Variants in ZNF407 observed in about 807,000 individuals in gnomAD.
ZNF407 encodes zinc finger protein 407.
Under a neutral mutation model 131.2 loss-of-function variants are expected in ZNF407, and 17 were observed. The observed-to-expected ratio is 0.13, with a 90% CI of 0.09 to 0.19. ZNF407 has a LOEUF of 0.19. Among genes scored for constraint, ZNF407 ranks in the 10% least tolerant of loss-of-function variants. The pLI is 1.00. For synonymous variants in ZNF407, 1,156 were observed against 1,062.0 expected (o/e 1.09, Z -1.72); for missense variants, 2,681 against 2,830.6 (o/e 0.95, Z 1.20).
chr18:75,036,145 A>G (rs1973305759), intron 8 of ZNF407, among the ~76,000 whole-genome samples: 1 of 152,218 alleles, frequency 6.6e-6, no homozygotes, highest in Non-Finnish European at 1.5e-5. Flanking sequence ...GGCTTAACAG[A>G]GGATATTTAT....
chr18:75,063,537 C>T lies in ZNF407; in HGVS notation c.5816C>T (p.Thr1939Ile). ...CCCGAGCAGCTGGCTGATGGAGCCA[C>T]CCAGGTGGTCGTCGTGGGGGGCTCC... ...ILPEQLADGA[T>I]QVVVVGGSME... Residue 1939 changes from threonine (T) to isoleucine (I), a missense_variant, in exon 9 of 9, where the codon ACC becomes ATC. By Grantham distance (89) the Thr-to-Ile change is moderately conservative. Transcript: ENST00000299687. This position sits in a 1 kb window ranked among gnomAD's most constrained non-coding sequence, Gnocchi z 6.6. 3 of 1,572,358 alleles carry T rather than the reference C, an allele frequency of 1.9e-6. No homozygotes were observed. The highest frequency in any genetic ancestry group is 2.3e-5 in the South Asian group (2 of 86,028).
chr18:74,950,365 G>A (rs748170104), intron 8 of ZNF407, among the ~76,000 whole-genome samples: 1 of 152,310 alleles, frequency 6.6e-6, no homozygotes, highest in Middle Eastern at 3.4e-3. Flanking sequence ...AATCAATGCA[G>A]TCTTAGTAGG....
At chr18:74,894,946 C>T (rs919566015) in intron 7 of ZNF407, among the ~76,000 whole-genome samples, 1 of 151,992 alleles carries the variant, frequency 6.6e-6, no homozygotes, top group South Asian at 2.1e-4. Flanking sequence ...CTTACATACC[C>T]TTTTTAATTT....
chr18:74,983,730 C>T (rs941963863), intron 8 of ZNF407, among the ~76,000 whole-genome samples: 2 of 152,312 alleles, frequency 1.3e-5, no homozygotes, highest in African/African-American at 2.4e-5. Flanking sequence ...CACTGGGACA[C>T]GCCAGGAGCA....
intron 8 of ZNF407, among the ~76,000 whole-genome samples, chr18:74,921,718 T>C (rs75281778): frequency 2.3e-4 from 35 of 152,322 alleles, no homozygotes; most frequent in Non-Finnish European, 4.9e-4. Flanking sequence ...CTCTCCCCAG[T>C]ACCTGCTATG....
chr18:74,869,963 G>A (rs1971064412), intron 4 of ZNF407, among the ~76,000 whole-genome samples: 1 of 152,176 alleles, frequency 6.6e-6, no homozygotes, highest in Admixed American at 6.5e-5. Context: ...AATTAATTTG[G>A]TTGGCCAGAG....
In ZNF407 at chr18:74,632,549, C is replaced by T. The variant is rs373519575; in HGVS notation, c.1530C>T (p.Asp510=). Residue 510 remains aspartate, a synonymous_variant, in exon 2 of 9, where the codon GAC becomes GAT. Coordinates refer to ENST00000299687, the MANE Select transcript of ZNF407 (RefSeq NM_017757.3). The part of the protein sequence containing the change: ...EQGQGSARPP[D]SGLHSLTVKP... ...GCCAGGGGAGTGCCCGTCCTCCGGACTCCGGGCTGCATTCCCTGACAGTGA... is the reference window on the plus strand; with the variant it reads ...GCCAGGGGAGTGCCCGTCCTCCGGATTCCGGGCTGCATTCCCTGACAGTGA... The T allele has an allele frequency of 3.5e-5, 56 of 1,613,924 alleles. No individual in the cohort carries two copies. The highest frequency in any genetic ancestry group is 4.3e-5 in the Non-Finnish European group (51 of 1,179,912).
intron 3 of ZNF407, among the ~76,000 whole-genome samples, chr18:74,761,486 G>C (rs957975581): frequency 1.2e-4 from 18 of 152,044 alleles, no homozygotes; most frequent in Admixed American, 1.1e-3. Context: ...GATATTACAA[G>C]ATGTAAAAGT....
intron 3 of ZNF407, among the ~76,000 whole-genome samples, chr18:74,735,901 T>A (rs1324330667): frequency 6.6e-6 from 1 of 152,232 alleles, no homozygotes; most frequent in Non-Finnish European, 1.5e-5. Flanking sequence ...TAGTTGACAT[T>A]AGCTGAAAAT....
At chr18:74,872,766 G>GAAAAAAAAAAA (rs5826351) in intron 4 of ZNF407, among the ~76,000 whole-genome samples, 2 of 123,208 alleles carry the variant, frequency 1.6e-5, no homozygotes, top group Non-Finnish European at 1.6e-5. Flanking sequence ...AAAAAAAAAA[G>GAAAAAAAAAAA]AAAAAAAAAA....
intron 3 of ZNF407, among the ~76,000 whole-genome samples, chr18:74,769,608 T>A (rs1180959281): frequency 6.6e-6 from 1 of 152,212 alleles, no homozygotes; most frequent in Admixed American, 6.5e-5. Context: ...TTGTATTTTT[T>A]AAAACAATTC....
chr18:74,706,908 C>T (rs1967637132), intron 3 of ZNF407, among the ~76,000 whole-genome samples: 1 of 150,258 alleles, frequency 6.7e-6, no homozygotes, highest in Non-Finnish European at 1.5e-5. Flanking sequence ...CCCTCAGCTG[C>T]ACTGTTCATT....
intron 4 of ZNF407, among the ~76,000 whole-genome samples, chr18:74,809,732 C>A (rs1970166943): frequency 6.6e-6 from 1 of 152,050 alleles, no homozygotes; most frequent in South Asian, 2.1e-4. Flanking sequence ...GCTTATGTAC[C>A]CTTTGCACAT....
intron 3 of ZNF407, among the ~76,000 whole-genome samples, chr18:74,672,011 G>T (rs1181293578): frequency 6.6e-6 from 1 of 152,202 alleles, no homozygotes; most frequent in African/African-American, 2.4e-5. Flanking sequence ...GAATGGTGCT[G>T]CAGTGAACAT....
intron 8 of ZNF407, among the ~76,000 whole-genome samples, chr18:74,930,334 G>A (rs891077841): frequency 3.3e-5 from 5 of 152,188 alleles, no homozygotes; most frequent in African/African-American, 4.8e-5. Context: ...GAGGACGTCC[G>A]CCTGGCCCAT....
chr18:75,059,836 C>G (rs566932772), intron 8 of ZNF407, among the ~76,000 whole-genome samples: 6 of 152,302 alleles, frequency 3.9e-5, no homozygotes, highest in African/African-American at 1.4e-4. Flanking sequence ...CGATTCGGCC[C>G]CTGCCCGTGG....
intron 8 of ZNF407, among the ~76,000 whole-genome samples, chr18:75,034,598 G>T (rs191273381): frequency 6.6e-6 from 1 of 151,524 alleles, no homozygotes; most frequent in East Asian, 1.9e-4. Context: ...CACTGCGCCC[G>T]GCGGGTTTTT....
At chr18:75,038,748 G>A (rs1047171221) in intron 8 of ZNF407, among the ~76,000 whole-genome samples, 3 of 152,180 alleles carry the variant, frequency 2.0e-5, no homozygotes, top group Non-Finnish European at 1.5e-5. Flanking sequence ...AGTTAAACGT[G>A]TATTTAAAAT....
chr18:75,043,513 T>G (rs887377061), intron 8 of ZNF407, among the ~76,000 whole-genome samples: 1 of 152,160 alleles, frequency 6.6e-6, no homozygotes, highest in African/African-American at 2.4e-5. Flanking sequence ...CCTGCCTCCC[T>G]CCATCCCTCC....
Sources: gnomAD v4.1 joint callset for allele counts (sites outside exome capture counted in the v4.1 genomes callset) on GRCh38, gnomAD v4.1.1 for gene constraint, Gnocchi (gnomAD v3.1) non-coding constraint, MANE v1.5 for transcripts, NCBI Gene and HGNC (gene_info 2026-07-23, HGNC 2026-07-21) for gene names.